Variants in SLC24A3 observed in about 807,000 individuals in gnomAD.
SLC24A3 encodes solute carrier family 24 member 3, also known as sodium/potassium/calcium exchanger 3.
In SLC24A3, 28 loss-of-function variants were observed where a neutral mutation model predicts 75.8. The ratio of observed to expected loss-of-function variants is 0.37; its 90% CI spans 0.27 to 0.51. SLC24A3 has a LOEUF of 0.51. Ranked by LOEUF, SLC24A3 falls within the 20% of genes least tolerant of loss-of-function variation. SLC24A3 has a pLI of 0.94. For missense variants in SLC24A3, 663 were observed against 847.8 expected (o/e 0.78, Z 2.71); for synonymous variants, 372 against 334.1 (o/e 1.11, Z -1.24).
intron 2 of SLC24A3, among the ~76,000 whole-genome samples, chr20:19,323,471 A>G (rs1298480129): frequency 6.6e-6 from 1 of 152,142 alleles, no homozygotes; most frequent in Non-Finnish European, 1.5e-5. Context: ...TTTCTTTTAT[A>G]TTTAAGATAT....
intron 3 of SLC24A3, among the ~76,000 whole-genome samples, chr20:19,517,192 G>T (rs571817721): frequency 1.3e-5 from 2 of 152,308 alleles, no homozygotes; most frequent in South Asian, 4.1e-4. Flanking sequence ...CTACCCTGTC[G>T]CAAGGCTGAG....
chr20:19,718,940 T>C (rs1474519069), intron 16 of SLC24A3, among the ~76,000 whole-genome samples: 2 of 152,124 alleles, frequency 1.3e-5, no homozygotes, highest in Admixed American at 6.5e-5. Context: ...AGCCCCAAGA[T>C]CTCAGTGTTG....
Position 19,670,023 on chromosome 20 carries a change from A to G in SLC24A3, c.714-3578A>G, listed in dbSNP as rs541330999. ...CCTAGGTGAAAGGGCGAGAAAGGGG[A>G]CCAAGGAGGGCCGGGTGACTTCCAA... On this transcript the variant is annotated intron_variant, in intron 8 of 16. Transcript: ENST00000328041. 5.3e-5 allele frequency among the ~76,000 whole-genome samples: 8 copies of G among 152,244 alleles called. No homozygotes were observed. The East Asian group carries it at 1.4e-3, about 26-fold the overall frequency.
At chr20:19,699,030 C>T (rs1391278409) in intron 15 of SLC24A3, among the ~76,000 whole-genome samples, 1 of 152,242 alleles carries the variant, frequency 6.6e-6, no homozygotes, top group African/African-American at 2.4e-5. Flanking sequence ...TACAACTTTC[C>T]TAACAGAAAC....
intron 3 of SLC24A3, among the ~76,000 whole-genome samples, chr20:19,551,748 G>A (rs2030699097): frequency 6.6e-6 from 1 of 152,072 alleles, no homozygotes; most frequent in African/African-American, 2.4e-5. Flanking sequence ...TCTTCCCATA[G>A]GACATGCTCT....
At chr20:19,643,700 C>T (rs1410145459) in intron 6 of SLC24A3, among the ~76,000 whole-genome samples, 3 of 152,188 alleles carry the variant, frequency 2.0e-5, no homozygotes, top group Non-Finnish European at 2.9e-5. Flanking sequence ...ATAGTCTTAA[C>T]TGTCTGATTT....
At chr20:19,339,485 A>G (rs1241068279) in intron 2 of SLC24A3, among the ~76,000 whole-genome samples, 2 of 152,228 alleles carry the variant, frequency 1.3e-5, no homozygotes, top group African/African-American at 2.4e-5. Context: ...TTCTCATTTT[A>G]TAAGGAAAAG....
chr20:19,569,069 C>T (rs1446906483), intron 3 of SLC24A3, among the ~76,000 whole-genome samples: 3 of 152,112 alleles, frequency 2.0e-5, no homozygotes, highest in African/African-American at 7.2e-5. Flanking sequence ...CTCAGGAACC[C>T]AAGAAAGAGT....
intron 15 of SLC24A3, among the ~76,000 whole-genome samples, chr20:19,716,667 C>T (rs2033049903): frequency 1.3e-5 from 2 of 151,864 alleles, no homozygotes; most frequent in African/African-American, 4.8e-5. Flanking sequence ...GGATCACTTG[C>T]TTCCAGGAGT....
At chr20:19,627,283 C>G (rs1216133162) in intron 6 of SLC24A3, among the ~76,000 whole-genome samples, 1 of 152,222 alleles carries the variant, frequency 6.6e-6, no homozygotes, top group African/African-American at 2.4e-5. Context: ...CAACCACTAT[C>G]TTCTTCATTT....
intron 10 of SLC24A3, among the ~76,000 whole-genome samples, chr20:19,682,712 A>C (rs1397714727): frequency 6.6e-6 from 1 of 152,228 alleles, no homozygotes. Flanking sequence ...GCAATGCTCT[A>C]TAAATGACAG....
chr20:19,461,828 T>C (rs1474275212), intron 2 of SLC24A3, among the ~76,000 whole-genome samples: 2 of 152,158 alleles, frequency 1.3e-5, no homozygotes, highest in African/African-American at 2.4e-5. Flanking sequence ...CCATCGTGCC[T>C]GGCCCCCAAG....
At chr20:19,666,942 G>A (rs886137101) in intron 8 of SLC24A3, among the ~76,000 whole-genome samples, 5 of 152,286 alleles carry the variant, frequency 3.3e-5, no homozygotes, top group East Asian at 1.9e-4. Flanking sequence ...CATATTTTCC[G>A]AATATTTGAT....
At chr20:19,396,129 G>A (rs887900903) in intron 2 of SLC24A3, among the ~76,000 whole-genome samples, 16 of 148,174 alleles carry the variant, frequency 1.1e-4, no homozygotes, top group South Asian at 4.2e-4. Flanking sequence ...CAATATCCTC[G>A]TTACCAGATG....
chr20:19,252,451 G>A (rs183411314), intron 1 of SLC24A3, among the ~76,000 whole-genome samples: 51 of 152,306 alleles, frequency 3.3e-4, no homozygotes, highest in African/African-American at 5.8e-4. Flanking sequence ...TGGTGGTGAC[G>A]GAGTAGCAAT....
At chr20:19,287,751 C>T (rs560945900) in intron 2 of SLC24A3, among the ~76,000 whole-genome samples, 9 of 152,252 alleles carry the variant, frequency 5.9e-5, no homozygotes, top group South Asian at 2.1e-4. Flanking sequence ...AAGAACCCTG[C>T]GGAAAATAAT....
intron 2 of SLC24A3, among the ~76,000 whole-genome samples, chr20:19,329,914 A>C (rs891041484): frequency 1.3e-5 from 2 of 152,138 alleles, no homozygotes. Flanking sequence ...GAGCTGATGT[A>C]TGTGAAATTT....
intron 2 of SLC24A3, among the ~76,000 whole-genome samples, chr20:19,385,025 C>A (rs149783406): frequency 6.6e-6 from 1 of 152,088 alleles, no homozygotes; most frequent in Non-Finnish European, 1.5e-5. Context: ...AGTTCCTTAT[C>A]CATTCTAGAT....
intron 6 of SLC24A3, among the ~76,000 whole-genome samples, chr20:19,646,205 T>A (rs1337778125): frequency 6.6e-6 from 1 of 152,222 alleles, no homozygotes; most frequent in Non-Finnish European, 1.5e-5. Context: ...TCAAAATAGT[T>A]ATTTTAATGA....
Sources: gnomAD v4.1 joint callset for allele counts (sites outside exome capture counted in the v4.1 genomes callset) on GRCh38, gnomAD v4.1.1 for gene constraint, MANE v1.5 for transcripts, NCBI Gene and HGNC (gene_info 2026-07-23, HGNC 2026-07-21) for gene names.